Variants in TTN observed in about 807,000 individuals in gnomAD.
TTN encodes the protein connectin.
Under a neutral mutation model 3,223.0 loss-of-function variants are expected in TTN, and 1,525 were observed. That is an observed-to-expected ratio of 0.47 (90% CI 0.45 to 0.49). TTN has a LOEUF of 0.49. Among genes scored for constraint, TTN ranks in the 20% least tolerant of loss-of-function variants. The probability of loss-of-function intolerance (pLI) is 0.00; values close to 1 mark genes in which losing one functional copy is unlikely to be tolerated. For synonymous variants in TTN, 14,094 were observed against 15,161.0 expected (o/e 0.93, Z 5.17); for missense variants, 40,786 against 43,424.0 (o/e 0.94, Z 5.40).
At position 178,541,129 on chromosome 2, in the gene TTN, C is replaced by T. The variant is rs574231337; in HGVS notation, c.97795+153G>A. The T allele has an allele frequency of 2.3e-4, 173 of 737,698 alleles. No homozygotes were observed. In the African/African-American group the frequency reaches 2.5e-3, roughly 11 times the overall value. The allele number at this position is 737,698 out of a possible 1,614,324, so 45.7% of individuals were successfully genotyped here. A position where few individuals can be genotyped will look rare whatever the true frequency, so the allele number is the denominator to read the frequency against. The stretch of plus-strand genomic sequence containing the variant: ...TACAAACGGACACAAGGGAACTTTA[C>T]GGGGTAATAAAAATATTCCACATTT... On this transcript the variant is annotated intron_variant, in intron 350 of 362. Transcript: ENST00000589042.
intron 47 of TTN, chr2:178,747,401 G>A: frequency 1.2e-6 from 2 of 1,613,348 alleles, no homozygotes; most frequent in Non-Finnish European, 1.7e-6. Context: ...AGGGGACTTT[G>A]GAGATTCAAA....
At chr2:178,748,277 T>G in intron 47 of TTN, 1 of 1,612,974 alleles carries the variant, frequency 6.2e-7, no homozygotes, top group Non-Finnish European at 8.5e-7. Flanking sequence ...GTTTTGTTCC[T>G]GTACATGTCG....
chr2:178,754,494 A>G (rs2086415367), intron 46 of TTN, among the ~76,000 whole-genome samples: 1 of 152,180 alleles, frequency 6.6e-6, no homozygotes, highest in African/African-American at 2.4e-5. Flanking sequence ...GTTCAAATCA[A>G]TTCTGGGAAT....
Position 178,620,865 on chromosome 2 carries a change from C to G in TTN, c.45745G>C (p.Asp15249His), listed in dbSNP as rs1467540790. 1 of 1,612,448 alleles carries G rather than the reference C, an allele frequency of 6.2e-7. No individual in the cohort carries two copies. The highest frequency in any genetic ancestry group is 8.5e-7 in the Non-Finnish European group (1 of 1,179,156). Residue 15249 changes from aspartate to histidine, a missense_variant, in exon 247 of 363, where the codon GAT (aspartate) becomes CAT (histidine). Transcript: ENST00000589042. Reference sequence around the variant, plus strand: ...TGGAGAATGATGTATTTTGAACTATCAAATATAGCTTCTTCATTTCTGAAC... The same window carrying G: ...TGGAGAATGATGTATTTTGAACTATGAAATATAGCTTCTTCATTTCTGAAC... Reference protein sequence around the residue: ...KWFRNEEAIFDSSKYIILQKD... With the variant: ...KWFRNEEAIFHSSKYIILQKD...
Position 178,577,899 on chromosome 2 carries a change from C to A in TTN, c.68528-1G>T. On this transcript the variant is annotated splice_acceptor_variant, in intron 322 of 362. Transcript: ENST00000589042. LOFTEE classifies it high-confidence loss of function. ...ATAACCTCAGGTTTTCCAGGAGGAT[C>A]TAAAACATAAAAGCAAAACCAGTCA... 6.3e-7 allele frequency: 1 copy of A among 1,582,022 alleles called. No individual in the cohort carries two copies. The highest frequency in any genetic ancestry group is 8.6e-7 in the Non-Finnish European group (1 of 1,165,452).
rs2288563 is a variant in TTN at position 178,634,803 on chromosome 2, T to C, written c.42071A>G (p.His14024Arg). 0.024 allele frequency: 38,106 copies of C among 1,612,854 alleles called. 661 individuals carry two copies. Among genetic ancestry groups the C allele is most frequent in the East Asian group, 0.096 (4,292 of 44,794 alleles). The stretch of plus-strand genomic sequence containing the variant: ...ACCAGCTTGGTCCAGTTTGACTTTG[T>C]GCAAAGTTAAGAAGCGTTTTCCACC... ...AEGGKRFLTL[H>R]KVKLDQAGEV... Residue 14024 changes from histidine to arginine, a missense_variant, in exon 229 of 363, where the codon CAC becomes CGC. Coordinates refer to ENST00000589042, the MANE Select transcript of TTN (RefSeq NM_001267550.2). The surrounding 1 kb of genome is among the most constrained non-coding windows in gnomAD (Gnocchi z 4.6).
In TTN at chr2:178,566,612, G is replaced by A. The variant is rs538057461; in HGVS notation, c.79520C>T (p.Ala26507Val). ...VDTTKNSITL[A>V]WGKPIYDGGS... ...GCCATCATAGATGGGTTTACCCCAG[G>A]CAAGTGTGATTGAATTTTTAGTGGT... Residue 26507 changes from alanine to valine, a missense_variant, in exon 326 of 363, where the codon GCC (alanine) becomes GTC (valine). By Grantham distance (64) the Ala-to-Val change is moderately conservative. Transcript: ENST00000589042. 6.2e-7 allele frequency: 1 copy of A among 1,612,446 alleles called. No homozygotes were observed. The highest frequency in any genetic ancestry group is 8.5e-7 in the Non-Finnish European group (1 of 1,179,656).
rs1349826261 is a variant in TTN at position 178,535,868 on chromosome 2, A to G, written c.100766-19T>C. ...GCTGGAACTGTATCAGAAAAAAAAA[A>G]AAAAAGAATATAATTTAGCAACATC... On this transcript the variant is annotated intron_variant, in intron 357 of 362. Transcript: ENST00000589042. 1 of 1,522,390 alleles carries G rather than the reference A, an allele frequency of 6.6e-7. No homozygotes were observed. The highest frequency in any genetic ancestry group is 1.4e-5 in the African/African-American group (1 of 71,556). 94.3% of individuals were successfully genotyped at this position (1,522,390 alleles called of 1,614,324 possible).
Position 178,739,350 on chromosome 2 carries a change from G to A in TTN, c.13883C>T (p.Ser4628Phe), listed in dbSNP as rs794729602. ...EEGDIVHLTT[S>F]ITNAKEVNWY... ...ATTCACCTCTTTAGCATTTGTTATGGATGTTGTGAGGTGTACAATATCACC... is the reference window on the plus strand; with the variant it reads ...ATTCACCTCTTTAGCATTTGTTATGAATGTTGTGAGGTGTACAATATCACC... Residue 4628 changes from serine (S) to phenylalanine (F), a missense_variant, in exon 48 of 363, where the codon TCC becomes TTC. Ser to Phe is a radical substitution (Grantham distance 155). Transcript: ENST00000589042. The A allele has an allele frequency of 2.1e-5, 34 of 1,613,648 alleles. No individual in the cohort carries two copies. The highest frequency in any genetic ancestry group is 2.7e-5 in the Non-Finnish European group (32 of 1,179,814).
chr2:178,665,532 A>G (rs1011477871), intron 164 of TTN, 72 bp from the exon 165 acceptor site: 13 of 1,510,228 alleles, frequency 8.6e-6, no homozygotes, highest in Non-Finnish European at 1.2e-5. Flanking sequence ...GAGCTGAACC[A>G]AAGTGATATT....
At chr2:178,802,364 C>A in intron 2 of TTN, 23 bp from the exon 3 acceptor site, 1 of 1,605,590 alleles carries the variant, frequency 6.2e-7, no homozygotes, top group Non-Finnish European at 8.5e-7. Context: ...AACAATTCAC[C>A]TTTATGTTTG....
At position 178,556,976 on chromosome 2, in the gene TTN, G is replaced by A. The variant is rs746109021; in HGVS notation, c.88178C>T (p.Thr29393Ile). Residue 29393 changes from threonine (T) to isoleucine (I), a missense_variant, in exon 330 of 363, where the codon ACT becomes ATT. Transcript: ENST00000589042. ...TKASFTNVTE[T>I]QFIISGLTQN... ...AGTCAAGCCAGAGATGATGAATTGA[G>A]TTTCAGTAACATTGGTGAAGCTGGC... 6.2e-7 allele frequency: 1 copy of A among 1,613,814 alleles called. No homozygotes were observed. The highest frequency in any genetic ancestry group is 1.7e-5 in the Admixed American group (1 of 60,020).
chr2:178,748,391 A>G, intron 47 of TTN: 1 of 1,613,204 alleles, frequency 6.2e-7, no homozygotes. Context: ...ACTGGCAAAT[A>G]CATTATTTTG....
chr2:178,652,739 T>G lies in TTN; in HGVS notation c.38960-3A>C. 1.9e-6 allele frequency: 3 copies of G among 1,612,534 alleles called. No homozygotes were observed. Among genetic ancestry groups the G allele is most frequent in the Non-Finnish European group, 1.7e-6 (2 of 1,179,292 alleles). On this transcript the variant is annotated splice_region_variant and splice_polypyrimidine_tract_variant and intron_variant, in intron 200 of 362. Transcript: ENST00000589042. ...AACCTCTTTGGGAGCCTCTGGTACT[T>G]AAAAGATATTAGTGAAATTACATTT...
In TTN at chr2:178,745,158, G is replaced by C. The variant is rs574467345; in HGVS notation, c.11312-3237C>G. On this transcript the variant is annotated intron_variant, in intron 47 of 362. Coordinates refer to ENST00000589042, the MANE Select transcript of TTN (RefSeq NM_001267550.2). ...ATTCCAAAAATAACTTAGAATGGGAGCAGAGAGATTTGCCCTTACCAATTT... is the reference window on the plus strand; with the variant it reads ...ATTCCAAAAATAACTTAGAATGGGACCAGAGAGATTTGCCCTTACCAATTT... 1.4e-4 allele frequency: 141 copies of C among 994,840 alleles called. No individual in the cohort carries two copies. In the African/African-American group the frequency reaches 2.1e-3, roughly 15 times the overall value. The allele number at this position is 994,840 out of a possible 1,614,324, so 61.6% of individuals were successfully genotyped here.
intron 151 of TTN, 55 bp from the exon 152 acceptor site, chr2:178,673,765 C>A (rs72650050): frequency 6.0e-6 from 7 of 1,163,742 alleles, no homozygotes; most frequent in Non-Finnish European, 8.7e-6. Flanking sequence ...AGCAGAACAC[C>A]ACCCATATAC....
Position 178,548,980 on chromosome 2 carries a change from T to G in TTN, c.92646A>C (p.Thr30882=). The change falls in exon 339 of 363, where the codon ACA becomes ACC. Residue 30882 remains threonine (T), a synonymous_variant. Coordinates refer to ENST00000589042, the MANE Select transcript of TTN (RefSeq NM_001267550.2). The surrounding 1 kb of genome is among the most constrained non-coding windows in gnomAD (Gnocchi z 4.3). Reference sequence around the variant, plus strand: ...CTTCACCTGCTTGTAGATCAGTGACTGTATATCTTGTTTTCACACATGCCT... The same window carrying G: ...CTTCACCTGCTTGTAGATCAGTGACGGTATATCTTGTTTTCACACATGCCT... ...NAEACVKTRY[T]VTDLQAGEEY... is the part of the protein sequence containing the mutation. 6.2e-7 allele frequency: 1 copy of G among 1,613,938 alleles called. No homozygotes were observed. Among genetic ancestry groups the G allele is most frequent in the Non-Finnish European group, 8.5e-7 (1 of 1,179,832 alleles).
In TTN at chr2:178,651,508, A is replaced by C. The variant is rs769174173; in HGVS notation, c.39492T>G (p.Pro13164=). ...GAACCACCAGAGGCACCTTCTTTTC[A>C]GGAACAACCTCCTTGGGCACCTCGG... is the stretch of plus-strand genomic sequence containing the variant. ...KVPEVPKEVV[P]EKKVPLVVPK... Residue 13164 remains proline, a synonymous_variant, in exon 207 of 363, where the codon CCT becomes CCG. Coordinates refer to ENST00000589042, the MANE Select transcript of TTN (RefSeq NM_001267550.2). 1 of 1,612,856 alleles carries C rather than the reference A, an allele frequency of 6.2e-7. No individual in the cohort carries two copies. Among genetic ancestry groups the C allele is most frequent in the South Asian group, 1.1e-5 (1 of 90,948 alleles).
intron 45 of TTN, among the ~76,000 whole-genome samples, chr2:178,757,229 A>ACTGTACTTGCTTTAAGTAC (rs1398848581): frequency 6.7e-6 from 1 of 149,624 alleles, no homozygotes; most frequent in African/African-American, 2.4e-5. Flanking sequence ...AGTAAGTAAT[A>ACTGTACTTGCTTTAAGTAC]ATCAGCAAAT....
Sources: gnomAD v4.1 joint callset for allele counts (sites outside exome capture counted in the v4.1 genomes callset) on GRCh38, gnomAD v4.1.1 for gene constraint, Gnocchi (gnomAD v3.1) non-coding constraint, MANE v1.5 for transcripts, NCBI Gene and HGNC (gene_info 2026-07-23, HGNC 2026-07-21) for gene names.